Variants in HS1BP3 observed in about 807,000 individuals in gnomAD.
HS1BP3 encodes HCLS1-binding protein 3.
In HS1BP3, 32 loss-of-function variants were observed where a neutral mutation model predicts 33.5. The observed-to-expected ratio is 0.95, with a 90% CI of 0.72 to 1.28. The LOEUF is 1.28. Among genes scored for constraint, HS1BP3 ranks in the 50% most tolerant of loss-of-function variants. The pLI, the probability that HS1BP3 is intolerant of heterozygous loss-of-function variation, is 0.00. For missense variants in HS1BP3, 486 were observed against 502.3 expected (o/e 0.97, Z 0.31); for synonymous variants, 187 against 209.2 (o/e 0.89, Z 0.92).
chr2:20,589,704 A>G (rs1250128602), downstream of HS1BP3, among the ~76,000 whole-genome samples: 1 of 152,194 alleles, frequency 6.6e-6, no homozygotes, highest in African/African-American at 2.4e-5. Context: ...AAGTGGCTCA[A>G]ATCCTAAGGC....
intron 5 of HS1BP3, among the ~76,000 whole-genome samples, chr2:20,564,773 C>A (rs1693085202): frequency 6.6e-6 from 1 of 152,168 alleles, no homozygotes; most frequent in African/African-American, 2.4e-5. Flanking sequence ...TGTGAGCCAC[C>A]ATGCCCGGCC....
Position 20,624,832 on chromosome 2 carries a change from G to A in HS1BP3, c.684C>T (p.Leu228=). Residue 228 remains leucine, a synonymous_variant, in exon 5 of 7, where the codon CTC becomes CTT. Coordinates refer to ENST00000304031, the MANE Select transcript of HS1BP3 (RefSeq NM_022460.4). The part of the protein sequence containing the change: ...VAVKAKPSPR[L]TIFDEEVDPD... ...GGTCCACCTCCTCGTCAAAGATGGT[G>A]AGCCGGGGCGAGGGCTTGGCTTTCA... 1.2e-6 allele frequency: 2 copies of A among 1,613,870 alleles called. No homozygotes were observed. Among genetic ancestry groups the A allele is most frequent in the East Asian group, 4.5e-5 (2 of 44,880 alleles).
chr2:20,579,047 C>T (rs115993638), intron 5 of HS1BP3, among the ~76,000 whole-genome samples: 4,116 of 152,356 alleles, frequency 0.027, 59 homozygotes, highest in Non-Finnish European at 0.031. Context: ...AAGCCCTTGA[C>T]TTCCTTCCGG....
chr2:20,641,685 G>A (rs992689555), intron 2 of HS1BP3, among the ~76,000 whole-genome samples: 1 of 152,204 alleles, frequency 6.6e-6, no homozygotes, highest in Non-Finnish European at 1.5e-5. Flanking sequence ...TCTGCCCTGC[G>A]TCAGGCAGGA....
chr2:20,621,847 A>T (rs1694611254), intron 6 of HS1BP3, among the ~76,000 whole-genome samples: 1 of 152,156 alleles, frequency 6.6e-6, no homozygotes, highest in Non-Finnish European at 1.5e-5. Context: ...GCTGCAAGGC[A>T]CCCCTTTTCC....
At chr2:20,620,312 T>C (rs1480643290) in intron 6 of HS1BP3, among the ~76,000 whole-genome samples, 4 of 152,204 alleles carry the variant, frequency 2.6e-5, no homozygotes, top group Admixed American at 6.5e-5. Flanking sequence ...CCACAGCTAG[T>C]GTGAGGATGA....
chr2:20,579,841 A>C (rs1693490187), intron 5 of HS1BP3, among the ~76,000 whole-genome samples: 1 of 152,260 alleles, frequency 6.6e-6, no homozygotes, highest in South Asian at 2.1e-4. Flanking sequence ...TCATTCAAAA[A>C]AGACAAAGCT....
At chr2:20,588,887 T>C (rs1001875975), downstream of HS1BP3, among the ~76,000 whole-genome samples, 1 of 152,186 alleles carries the variant, frequency 6.6e-6, no homozygotes. Flanking sequence ...GGCTCAGCCT[T>C]CTGAGAGCCT....
intron 4 of HS1BP3, chr2:20,634,819 T>C (rs1695071243): frequency 6.6e-6 from 1 of 152,224 alleles, no homozygotes; most frequent in African/African-American, 2.4e-5. Context: ...CCATAAAACG[T>C]GGCATTCCAG....
At chr2:20,630,949 T>C (rs12328848) in intron 4 of HS1BP3, among the ~76,000 whole-genome samples, 2,032 of 152,268 alleles carry the variant, frequency 0.013, 46 homozygotes, top group African/African-American at 0.046. Context: ...ATTCTGGCCT[T>C]TGCTGAGAGA....
chr2:20,634,066 C>A (rs767766718), intron 4 of HS1BP3, among the ~76,000 whole-genome samples: 25 of 152,238 alleles, frequency 1.6e-4, no homozygotes, highest in Non-Finnish European at 2.2e-4. Context: ...GATGGCACAG[C>A]AGAGAACTCG....
rs764489015 is a variant in HS1BP3, at chr2:20,619,187, G to C, written c.979C>G (p.Gln327Glu). 6.2e-7 allele frequency: 1 copy of C among 1,613,894 alleles called. No homozygotes were observed. Among genetic ancestry groups the C allele is most frequent in the African/African-American group, 1.3e-5 (1 of 74,934 alleles). Residue 327 changes from glutamine to glutamate, a missense_variant, in exon 7 of 7, where the codon CAG becomes GAG. Gln to Glu is a conservative substitution (Grantham distance 29). Coordinates refer to ENST00000304031, the MANE Select transcript of HS1BP3 (RefSeq NM_022460.4). ...GCCACTGGTGGCTTGGGCTTAAGCT[G>C]GGGCTTGGGTTTGGGCTCAGCTCCC... Reference protein sequence around the residue: ...NLGAEPKPKPQLKPKPPVAAK... With the variant: ...NLGAEPKPKPELKPKPPVAAK...
intron 5 of HS1BP3, among the ~76,000 whole-genome samples, chr2:20,563,452 A>C (rs905602085): frequency 6.6e-6 from 1 of 152,198 alleles, no homozygotes; most frequent in Admixed American, 6.5e-5. Context: ...CCCTGCAATG[A>C]GCTGTGGTCT....
intron 1 of HS1BP3, among the ~76,000 whole-genome samples, chr2:20,645,949 C>T (rs903830474): frequency 6.6e-6 from 1 of 152,174 alleles, no homozygotes; most frequent in East Asian, 1.9e-4. Flanking sequence ...CTGCTACAGG[C>T]CCCCTGGGGG....
chr2:20,619,809 C>A (rs1694539710), intron 6 of HS1BP3, among the ~76,000 whole-genome samples: 1 of 152,214 alleles, frequency 6.6e-6, no homozygotes, highest in South Asian at 2.1e-4. Context: ...AGCCCTCATC[C>A]AAAGCAAGTT....
At chr2:20,573,405 G>C (rs1004810166) in intron 5 of HS1BP3, among the ~76,000 whole-genome samples, 4 of 152,170 alleles carry the variant, frequency 2.6e-5, no homozygotes, top group Admixed American at 1.3e-4. Context: ...ACAACCCGTG[G>C]TACTTTGAGT....
At chr2:20,570,590 C>A (rs527262146) in intron 5 of HS1BP3, among the ~76,000 whole-genome samples, 5 of 152,190 alleles carry the variant, frequency 3.3e-5, no homozygotes, top group Non-Finnish European at 7.3e-5. Flanking sequence ...GGGTAAATGT[C>A]TAATTGCCTT....
intron 5 of HS1BP3, among the ~76,000 whole-genome samples, chr2:20,570,190 TC>T (rs1693233022): frequency 7.7e-6 from 1 of 130,054 alleles, no homozygotes; most frequent in South Asian, 2.6e-4. Context: ...GAGTTTTTTT[TC>T]CCCCTTCTTT....
At chr2:20,587,934 T>C (rs1437908722), downstream of HS1BP3, among the ~76,000 whole-genome samples, 1 of 151,894 alleles carries the variant, frequency 6.6e-6, no homozygotes, top group Non-Finnish European at 1.5e-5. Context: ...CCGGGCCTCT[T>C]CCACCAACCA....
Sources: gnomAD v4.1 joint callset for allele counts (sites outside exome capture counted in the v4.1 genomes callset) on GRCh38, gnomAD v4.1.1 for gene constraint, MANE v1.5 for transcripts, NCBI Gene and HGNC (gene_info 2026-07-23, HGNC 2026-07-21) for gene names.